The following SYNE2 variants were observed in gnomAD, a reference collection of about 807,000 sequenced individuals.
SYNE2 encodes spectrin repeat containing nuclear envelope protein 2.
SYNE2 carries 431 observed loss-of-function variants against 856.3 expected under a neutral mutation model. The ratio of observed to expected loss-of-function variants is 0.50; its 90% CI spans 0.47 to 0.55. The LOEUF (loss-of-function observed/expected upper bound fraction) is 0.55, where lower values mean the gene tolerates loss of function less well. SYNE2 is among the 20% of genes least tolerant of loss of function. SYNE2 has a pLI of 0.00. For missense variants in SYNE2, 8,129 were observed against 8,023.2 expected, an observed-to-expected ratio of 1.01 and a Z score of -0.50; for synonymous variants, 2,923 against 2,872.3, an observed-to-expected ratio of 1.02 and a Z score of -0.56.
intron 70 of SYNE2, among the ~76,000 whole-genome samples, chr14:64,124,831 C>T (rs761086120): frequency 1.3e-5 from 2 of 151,928 alleles, no homozygotes; most frequent in South Asian, 2.1e-4. Context: ...GGCAAAGCCC[C>T]GTCGCTACTA....
intron 61 of SYNE2, among the ~76,000 whole-genome samples, chr14:64,094,478 A>C (rs1444448276): frequency 6.6e-6 from 1 of 152,236 alleles, no homozygotes; most frequent in Admixed American, 6.5e-5. Flanking sequence ...ACAACAACAA[A>C]AAAACGTGAT....
intron 66 of SYNE2, among the ~76,000 whole-genome samples, chr14:64,114,303 A>G (rs1385813918): frequency 3.3e-5 from 5 of 152,130 alleles, no homozygotes; most frequent in Non-Finnish European, 7.4e-5. Flanking sequence ...ATCGAGTGTC[A>G]CAAGAGCAGG....
intron 1 of SYNE2, among the ~76,000 whole-genome samples, chr14:63,777,050 G>A (rs1416867739): frequency 6.6e-6 from 1 of 152,162 alleles, no homozygotes; most frequent in Non-Finnish European, 1.5e-5. Context: ...AAAAACAGTG[G>A]CACACTACCT....
intron 2 of SYNE2, among the ~76,000 whole-genome samples, chr14:63,929,316 CTGTA>C (rs982949713): frequency 5.3e-5 from 8 of 152,310 alleles, no homozygotes; most frequent in African/African-American, 1.9e-4. Flanking sequence ...CTAAAAAAAT[CTGTA>C]TCCTATGGAA....
At chr14:64,019,957 A>G in intron 34 of SYNE2, 35 bp from the exon 35 acceptor site, 1 of 1,404,652 alleles carries the variant, frequency 7.1e-7, no homozygotes, top group Non-Finnish European at 1.0e-6. Flanking sequence ...GGTATGAAAT[A>G]AAAAGACACT....
chr14:64,180,505 C>G (rs892027350), intron 96 of SYNE2, among the ~76,000 whole-genome samples: 1 of 142,604 alleles, frequency 7.0e-6, no homozygotes, highest in African/African-American at 2.6e-5. Flanking sequence ...TGGTTTATAA[C>G]TTTTTTTTTT....
At chr14:64,124,702 A>G (rs917724719) in intron 70 of SYNE2, among the ~76,000 whole-genome samples, 2 of 152,144 alleles carry the variant, frequency 1.3e-5, no homozygotes, top group Non-Finnish European at 2.9e-5. Flanking sequence ...ATCTTTTTCT[A>G]TTTAAATTAA....
intron 2 of SYNE2, among the ~76,000 whole-genome samples, chr14:63,935,721 CATT>C (rs1356711146): frequency 1.3e-5 from 2 of 152,238 alleles, no homozygotes; most frequent in South Asian, 2.1e-4. Context: ...TAATTAAAAA[CATT>C]ATTATTAGGT....
chr14:63,803,711 A>G (rs1333362130), intron 1 of SYNE2, among the ~76,000 whole-genome samples: 2 of 152,346 alleles, frequency 1.3e-5, no homozygotes, highest in East Asian at 3.9e-4. Flanking sequence ...AGGGGCTCCC[A>G]TAGTGCAGCG....
At chr14:63,913,505 C>T (rs1368349234) in intron 2 of SYNE2, among the ~76,000 whole-genome samples, 2 of 148,106 alleles carry the variant, frequency 1.4e-5, no homozygotes, top group South Asian at 2.1e-4. Flanking sequence ...CTCTGTCACC[C>T]GGGCTGGAGT....
At chr14:64,176,507 GA>G (rs35168505) in intron 95 of SYNE2, among the ~76,000 whole-genome samples, 1 of 152,150 alleles carries the variant, frequency 6.6e-6, no homozygotes, top group Non-Finnish European at 1.5e-5. Flanking sequence ...GTGAGAAGTG[GA>G]AAGTGAAGGT....
chr14:63,863,073 T>C, intron 1 of SYNE2, among the ~76,000 whole-genome samples: 1 of 152,016 alleles, frequency 6.6e-6, no homozygotes, highest in East Asian at 1.9e-4. Context: ...GCTGGGATTA[T>C]GGGCCTGAGC....
intron 2 of SYNE2, among the ~76,000 whole-genome samples, chr14:63,924,567 C>G (rs910884474): frequency 6.6e-5 from 10 of 152,174 alleles, no homozygotes; most frequent in Middle Eastern, 3.4e-3. Flanking sequence ...TTGAATAAGT[C>G]TTGCAGTTCT....
intron 1 of SYNE2, among the ~76,000 whole-genome samples, chr14:63,831,343 A>G (rs1334738159): frequency 1.3e-5 from 2 of 152,112 alleles, no homozygotes; most frequent in African/African-American, 4.8e-5. Context: ...CTATCAAAAT[A>G]CAAGGATTTT....
chr14:64,185,589 T>G (rs539541288), intron 96 of SYNE2, among the ~76,000 whole-genome samples: 25 of 148,648 alleles, frequency 1.7e-4, no homozygotes, highest in Admixed American at 1.4e-3. Context: ...GGTGCGATCT[T>G]GTCTCACTGC....
intron 6 of SYNE2, 78 bp from the exon 7 acceptor site, chr14:63,949,747 C>G: frequency 2.0e-6 from 3 of 1,472,960 alleles, no homozygotes; most frequent in Non-Finnish European, 2.8e-6. Flanking sequence ...TTTTAGGTCT[C>G]TATTTTGACT....
intron 33 of SYNE2, 72 bp from the exon 34 acceptor site, chr14:64,017,523 T>C: frequency 2.4e-6 from 3 of 1,252,872 alleles, no homozygotes; most frequent in South Asian, 2.5e-5. Flanking sequence ...TTTAAAACAG[T>C]GTTTGGCTGA....
At chr14:64,010,952 T>A (rs1326751667) in intron 32 of SYNE2, among the ~76,000 whole-genome samples, 1 of 152,174 alleles carries the variant, frequency 6.6e-6, no homozygotes, top group Non-Finnish European at 1.5e-5. Context: ...TTCTATTGAT[T>A]TTACGAGTAC....
chr14:64,151,635 G>A lies in SYNE2; in HGVS notation c.15640-929G>A, dbSNP rs568549714. On this transcript the variant is annotated intron_variant, in intron 84 of 115. Coordinates refer to ENST00000555002, the MANE Select transcript of SYNE2 (RefSeq NM_182914.3). ...AGAAATAGAACATGAGCTAAGGGTC[G>A]TTATCTTGAGGCCATGCATTCAGAA... Among the ~76,000 whole-genome samples, 6 of 151,982 alleles carry A rather than the reference G, an allele frequency of 3.9e-5. No individual in the cohort carries two copies. The South Asian group carries it at 1.0e-3, about 26-fold the overall frequency.
Sources: gnomAD v4.1 joint callset for allele counts (sites outside exome capture counted in the v4.1 genomes callset) on GRCh38, gnomAD v4.1.1 for gene constraint, MANE v1.5 for transcripts, NCBI Gene and HGNC (gene_info 2026-07-23, HGNC 2026-07-21) for gene names.